MYH11: variants seen among roughly 807,000 people sequenced by gnomAD.
The protein encoded by MYH11 is myosin heavy chain 11, also known as myosin-11.
In MYH11, 80 loss-of-function variants were observed where a neutral mutation model predicts 246.6. That is an observed-to-expected ratio of 0.32 (90% CI 0.27 to 0.39). The LOEUF is 0.39. Among genes scored for constraint, MYH11 ranks in the 10% least tolerant of loss-of-function variants. The pLI, the probability that MYH11 is intolerant of heterozygous loss-of-function variation, is 1.00. For missense variants in MYH11, 2,158 were observed against 2,546.8 expected (o/e 0.85, Z 3.29); for synonymous variants, 1,071 against 1,015.5 (o/e 1.05, Z -1.04).
intron 4 of MYH11, among the ~76,000 whole-genome samples, chr16:15,789,792 A>C (rs1428122118): frequency 1.3e-5 from 2 of 152,210 alleles, no homozygotes; most frequent in African/African-American, 4.8e-5. Flanking sequence ...AAAGGAGAGA[A>C]ATTTTTGGAT....
rs1462236605 is a variant in MYH11 at position 15,717,163 on chromosome 16, C to T, written c.5481G>A (p.Glu1827=). The T allele has an allele frequency of 1.2e-6, 2 of 1,614,202 alleles. No individual in the cohort carries two copies. Among genetic ancestry groups the T allele is most frequent in the Middle Eastern group, 1.6e-4 (1 of 6,062 alleles). Residue 1827 remains glutamate, a synonymous_variant, in exon 38 of 41, where the codon GAG becomes GAA. Coordinates refer to ENST00000300036, the MANE Select transcript of MYH11 (RefSeq NM_002474.3). ...AALEAKIAQL[E]EQVEQEAREK... Reference sequence around the variant, plus strand: ...ACCTGGCCTCCTGCTCGACCTGCTCCTCCAGCTGTGCAATCTTGGCCTCCA... The same window carrying T: ...ACCTGGCCTCCTGCTCGACCTGCTCTTCCAGCTGTGCAATCTTGGCCTCCA...
At chr16:15,707,952 T>C (rs1596672426) in intron 40 of MYH11, among the ~76,000 whole-genome samples, 2 of 104,126 alleles carry the variant, frequency 1.9e-5, no homozygotes, top group East Asian at 2.8e-4. Context: ...AGAGCGAGAC[T>C]CCGTCTCAAA....
Position 15,719,638 on chromosome 16 carries a change from C to G in MYH11, c.5029G>C (p.Glu1677Gln). 1 of 1,614,208 alleles carries G rather than the reference C, an allele frequency of 6.2e-7. No homozygotes were observed. Among genetic ancestry groups the G allele is most frequent in the Non-Finnish European group, 8.5e-7 (1 of 1,180,040 alleles). The change falls in exon 35 of 41, where the codon GAG becomes CAG. Residue 1677 changes from glutamate to glutamine, a missense_variant. By Grantham distance (29) the Glu-to-Gln change is conservative. Around this residue, in one of 11 missense-constraint regions of MYH11, gnomAD observed 1,013 missense variants for 993.5 expected, o/e 1.02. Transcript: ENST00000300036. ...AAGCTCTTGGCTTTCTTCTCATTCT[C>G]TTTGGCTGTGGCAAAGATCTCATCT... ...SRDEIFATAKENEKKAKSLEA... is the reference protein window; with the variant it reads ...SRDEIFATAKQNEKKAKSLEA...
At chr16:15,794,016 T>C (rs900587820) in intron 4 of MYH11, among the ~76,000 whole-genome samples, 2 of 142,602 alleles carry the variant, frequency 1.4e-5, no homozygotes, top group Non-Finnish European at 3.0e-5. Flanking sequence ...CGATCTCTGC[T>C]AACTGCAAGC....
chr16:15,836,227 TC>T (rs1345169331), intron 2 of MYH11, among the ~76,000 whole-genome samples: 3 of 151,972 alleles, frequency 2.0e-5, no homozygotes, highest in African/African-American at 7.3e-5. Flanking sequence ...AACATCACAC[TC>T]CAAGCCCCAA....
intron 40 of MYH11, among the ~76,000 whole-genome samples, chr16:15,709,480 A>G (rs1313882844): frequency 6.6e-6 from 1 of 151,992 alleles, no homozygotes; most frequent in Non-Finnish European, 1.5e-5. Flanking sequence ...GTGGCTGGCT[A>G]ATTTTCATAT....
At chr16:15,722,982 G>A (rs369843351) in intron 31 of MYH11, among the ~76,000 whole-genome samples, 5 of 152,270 alleles carry the variant, frequency 3.3e-5, no homozygotes, top group African/African-American at 1.2e-4. Context: ...GACCTCAAGT[G>A]ATCCACCTGC....
At chr16:15,784,806 C>G in intron 5 of MYH11, 1 of 1,478,496 alleles carries the variant, frequency 6.8e-7, no homozygotes, top group Middle Eastern at 1.7e-4. Flanking sequence ...TGACTTTGAT[C>G]CCCCCAAACA....
chr16:15,791,503 G>C (rs749467968), intron 4 of MYH11: 29 of 152,078 alleles, frequency 1.9e-4, no homozygotes, highest in Non-Finnish European at 3.2e-4. Context: ...CTCCCCTATA[G>C]CATCAATTGG....
intron 40 of MYH11, chr16:15,712,851 G>A (rs530679038): frequency 7.0e-6 from 1 of 143,286 alleles, no homozygotes; most frequent in South Asian, 2.2e-4. Context: ...GATGGGTGGG[G>A]GCGAGGGGAA....
At chr16:15,712,825 A>C (rs1188344974) in intron 40 of MYH11, 1 of 144,972 alleles carries the variant, frequency 6.9e-6, no homozygotes, top group Non-Finnish European at 1.5e-5. Flanking sequence ...CACCCATGGG[A>C]GGCTTCTGGG....
intron 27 of MYH11, among the ~76,000 whole-genome samples, chr16:15,731,702 A>G (rs2040966276): frequency 6.6e-6 from 1 of 152,028 alleles, no homozygotes; most frequent in Non-Finnish European, 1.5e-5. Context: ...CATGTTGGCC[A>G]GGCTGGTCTC....
At chr16:15,852,843 C>A (rs918615946) in intron 1 of MYH11, among the ~76,000 whole-genome samples, 2 of 152,046 alleles carry the variant, frequency 1.3e-5, no homozygotes, top group African/African-American at 4.8e-5. Context: ...AATGCAAGGC[C>A]CTCCCTTGCA....
At chr16:15,764,539 T>C (rs1350963170) in intron 9 of MYH11, among the ~76,000 whole-genome samples, 1 of 151,886 alleles carries the variant, frequency 6.6e-6, no homozygotes, top group Non-Finnish European at 1.5e-5. Context: ...AGAGGACAGA[T>C]GGAAACAAGA....
chr16:15,763,760 C>CCCCCACAA, intron 10 of MYH11, 36 bp downstream of exon 10: 4 of 1,192,070 alleles, frequency 3.4e-6, no homozygotes, highest in Non-Finnish European at 3.8e-6. Flanking sequence ...CCCCCAACCC[C>CCCCCACAA]AAAGTCATTG....
At chr16:15,794,732 G>T (rs2042703730) in intron 4 of MYH11, among the ~76,000 whole-genome samples, 1 of 152,212 alleles carries the variant, frequency 6.6e-6, no homozygotes, top group Admixed American at 6.5e-5. Flanking sequence ...TTACAAGAGA[G>T]CCCTGTGGGA....
intron 38 of MYH11, 116 bp downstream of exon 38, chr16:15,717,023 CA>C: frequency 9.0e-7 from 1 of 1,115,458 alleles, no homozygotes. Flanking sequence ...GTAGGCATCA[CA>C]GAGCTTGCTT....
chr16:15,745,397 G>A (rs2041389933), intron 19 of MYH11, among the ~76,000 whole-genome samples, 160 bp from the exon 20 acceptor site: 1 of 152,092 alleles, frequency 6.6e-6, no homozygotes, highest in African/African-American at 2.4e-5. Context: ...TTGTCTGGCT[G>A]CAAACAACTT....
Position 15,837,940 on chromosome 16 carries a change from G to A in MYH11, c.313C>T (p.Leu105=), listed in dbSNP as rs2151381248. 1.2e-6 allele frequency: 2 copies of A among 1,614,124 alleles called. No homozygotes were observed. Among genetic ancestry groups the A allele is most frequent in the East Asian group, 2.2e-5 (1 of 44,866 alleles). ...CLNEASVLHN[L]RERYFSGLIY... ...AGCCCTGAGAAGTACCGCTCCCTCA[G>A]GTTGTGTAGCACGGAGGCTTCGTTG... The change falls in exon 2 of 41, where the codon CTG becomes TTG. Residue 105 remains leucine, a synonymous_variant. Coordinates refer to ENST00000300036, the MANE Select transcript of MYH11 (RefSeq NM_002474.3).
Sources: allele counts gnomAD v4.1 joint callset (sites outside exome capture counted in the v4.1 genomes callset), GRCh38; gene constraint gnomAD v4.1.1; regional missense constraint gnomAD v4.1.1; transcripts MANE v1.5; gene names NCBI Gene and HGNC (gene_info 2026-07-23, HGNC 2026-07-21).